FBP2: variants seen among roughly 807,000 people sequenced by gnomAD.
FBP2 encodes the protein fructose-bisphosphatase 2.
A neutral mutation model predicts 31.6 loss-of-function variants in FBP2; 27 were observed. The observed-to-expected ratio is 0.85, with a 90% CI of 0.63 to 1.18. The LOEUF (loss-of-function observed/expected upper bound fraction) is 1.18. Ranked by LOEUF, FBP2 falls within the 50% of genes most tolerant of loss-of-function variation. The probability of loss-of-function intolerance (pLI) is 0.00; values close to 1 mark genes in which losing one functional copy is unlikely to be tolerated. For missense variants in FBP2, 421 were observed against 436.1 expected (o/e 0.97, Z 0.31); for synonymous variants, 168 against 179.8 (o/e 0.93, Z 0.53).
At chr9:94,579,253 C>T (rs1424123713) in intron 3 of FBP2, among the ~76,000 whole-genome samples, 1 of 149,724 alleles carries the variant, frequency 6.7e-6, no homozygotes, top group African/African-American at 2.5e-5. Context: ...ACAAAATTAG[C>T]CGGGCGTGGT....
At chr9:94,569,144 A>G (rs2131448786) in intron 4 of FBP2, 1 of 152,350 alleles carries the variant, frequency 6.6e-6, no homozygotes, top group South Asian at 2.1e-4. Flanking sequence ...CAGTCTAGGA[A>G]GACTCATATC....
chr9:94,575,903 G>C (rs1827310281), intron 3 of FBP2, among the ~76,000 whole-genome samples: 1 of 151,982 alleles, frequency 6.6e-6, no homozygotes, highest in African/African-American at 2.4e-5. Context: ...CCTTCTCTTG[G>C]GTTTCAAGAT....
intron 3 of FBP2, among the ~76,000 whole-genome samples, chr9:94,572,116 T>C (rs977144376): frequency 1.3e-5 from 2 of 152,150 alleles, no homozygotes; most frequent in African/African-American, 4.8e-5. Context: ...ATTCTGCCTT[T>C]CTCTCTGACT....
At chr9:94,572,854 A>C (rs1052767746) in intron 3 of FBP2, 3 of 152,226 alleles carry the variant, frequency 2.0e-5, no homozygotes, top group African/African-American at 7.2e-5. Flanking sequence ...TTAAAATGTA[A>C]TTATAATTAC....
intron 6 of FBP2, among the ~76,000 whole-genome samples, chr9:94,562,796 C>T (rs1419749713): frequency 6.6e-6 from 1 of 152,100 alleles, no homozygotes; most frequent in Non-Finnish European, 1.5e-5. Flanking sequence ...TGCAATTAGA[C>T]CTTCCAGGAA....
At chr9:94,567,002 T>A (rs961459366) in intron 5 of FBP2, among the ~76,000 whole-genome samples, 3 of 152,208 alleles carry the variant, frequency 2.0e-5, no homozygotes, top group Non-Finnish European at 4.4e-5. Context: ...AGCTCTGAAT[T>A]TTGTAAATGT....
chr9:94,561,901 A>T (rs1827110799), intron 6 of FBP2, among the ~76,000 whole-genome samples: 1 of 152,220 alleles, frequency 6.6e-6, no homozygotes, highest in African/African-American at 2.4e-5. Context: ...GGACATGAGT[A>T]TGTGATCCCA....
intron 1 of FBP2, among the ~76,000 whole-genome samples, chr9:94,588,628 T>C (rs1420058809): frequency 1.3e-5 from 2 of 151,960 alleles, no homozygotes; most frequent in Non-Finnish European, 2.9e-5. Flanking sequence ...TCAAAATAAT[T>C]CTATCTAGAG....
chr9:94,567,538 G>C (rs922018914), intron 4 of FBP2, 131 bp from the exon 5 acceptor site: 19 of 1,065,280 alleles, frequency 1.8e-5, no homozygotes, highest in Non-Finnish European at 1.2e-5. Flanking sequence ...TGGTCACTCT[G>C]AACCTGCTCT....
rs55778806 is a variant in FBP2 at position 94,579,050 on chromosome 9, C to CAAAAAAAA, written c.426+5519_426+5526dup. On this transcript the variant is annotated intron_variant, in intron 3 of 6. Coordinates refer to ENST00000375337, the MANE Select transcript of FBP2 (RefSeq NM_003837.4). ...CCTGGGCAACAGAGAGAGACTCTGT[C>CAAAAAAAA]AAAAAAAAAAAAAAAAAAAGGTTAT... is the stretch of plus-strand genomic sequence containing the variant. Among the ~76,000 whole-genome samples, 23 of 30,586 alleles carry CAAAAAAAA rather than the reference C, an allele frequency of 7.5e-4. 2 individuals carry two copies. Among genetic ancestry groups the CAAAAAAAA allele is most frequent in the African/African-American group, 2.6e-3 (13 of 5,034 alleles). The allele number at this position is 30,586 out of a possible 152,430, so 20.1% of individuals were successfully genotyped here.
chr9:94,563,173 C>T (rs2131442336), intron 6 of FBP2, among the ~76,000 whole-genome samples, 169 bp downstream of exon 6: 1 of 152,282 alleles, frequency 6.6e-6, no homozygotes. Context: ...TTCAAACCTC[C>T]CACAGCCTGG....
intron 1 of FBP2, among the ~76,000 whole-genome samples, chr9:94,592,837 G>T (rs748449721): frequency 6.6e-6 from 1 of 152,128 alleles, no homozygotes; most frequent in Non-Finnish European, 1.5e-5. Flanking sequence ...CTGGCCACCG[G>T]ATTCTTTTTA....
intron 3 of FBP2, chr9:94,577,553 G>A (rs143342228): frequency 2.6e-5 from 4 of 152,176 alleles, no homozygotes; most frequent in Non-Finnish European, 2.9e-5. Flanking sequence ...AACTGCTGGC[G>A]CGAGACAAGA....
Position 94,558,887 on chromosome 9 carries a change from C to T in FBP2, c.*51G>A, listed in dbSNP as rs998092688. The T allele has an allele frequency of 1.3e-6, 2 of 1,543,570 alleles. No individual in the cohort carries two copies. Among genetic ancestry groups the T allele is most frequent in the Non-Finnish European group, 1.8e-6 (2 of 1,116,732 alleles). On this transcript the variant is annotated 3_prime_UTR_variant, in exon 7 of 7. Coordinates refer to ENST00000375337, the MANE Select transcript of FBP2 (RefSeq NM_003837.4). The stretch of plus-strand genomic sequence containing the variant: ...TCTCTGTTTATCGTTCATTTAGGGT[C>T]CTTAGACAAGGTGCAAGACAAACAG...
intron 3 of FBP2, among the ~76,000 whole-genome samples, chr9:94,582,338 A>ATG (rs138592246): frequency 0.015 from 1,980 of 131,860 alleles, 49 homozygotes; most frequent in African/African-American, 0.054. Flanking sequence ...TCTGTTAAAT[A>ATG]TGTGTGTGTG....
chr9:94,591,076 C>T (rs1035564536), intron 1 of FBP2, among the ~76,000 whole-genome samples: 42 of 152,320 alleles, frequency 2.8e-4, no homozygotes, highest in Admixed American at 4.6e-4. Context: ...GCCCAGCTGG[C>T]TTCACCTAGT....
intron 3 of FBP2, among the ~76,000 whole-genome samples, chr9:94,573,558 T>C (rs186823119): frequency 1.3e-5 from 2 of 152,332 alleles, no homozygotes; most frequent in East Asian, 3.9e-4. Flanking sequence ...TTTGTTCAAA[T>C]GTTTTTTCTC....
At chr9:94,582,850 C>CCT (rs1491379405) in intron 3 of FBP2, among the ~76,000 whole-genome samples, 1 of 107,552 alleles carries the variant, frequency 9.3e-6, no homozygotes, top group African/African-American at 4.0e-5. Flanking sequence ...TCCCAGCCCC[C>CCT]TTTTTTTTTT....
intron 3 of FBP2, 75 bp downstream of exon 3, chr9:94,584,502 A>G: frequency 1.0e-6 from 1 of 965,334 alleles, no homozygotes; most frequent in Non-Finnish European, 1.7e-6. Context: ...GACTCCAAAC[A>G]CACGGTTTTC....
Sources: gnomAD v4.1 joint callset for allele counts (sites outside exome capture counted in the v4.1 genomes callset) on GRCh38, gnomAD v4.1.1 for gene constraint, MANE v1.5 for transcripts, NCBI Gene and HGNC (gene_info 2026-07-23, HGNC 2026-07-21) for gene names.